The following SCARB2 variants were observed in gnomAD, a reference collection of about 807,000 sequenced individuals.
The protein encoded by SCARB2 is lysosome membrane protein 2.
In SCARB2, 29 loss-of-function variants were observed where a neutral mutation model predicts 58.6. The ratio of observed to expected loss-of-function variants is 0.49; its 90% CI spans 0.37 to 0.67. The LOEUF is 0.67. Ranked by LOEUF, SCARB2 falls within the 30% of genes least tolerant of loss-of-function variation. The pLI is 0.00. For synonymous variants in SCARB2, 195 were observed against 210.1 expected, an observed-to-expected ratio of 0.93 and a Z score of 0.62; for missense variants, 488 against 578.5, an observed-to-expected ratio of 0.84 and a Z score of 1.60.
upstream of SCARB2, chr4:76,217,558 G>C (rs1459419253): frequency 2.0e-6 from 1 of 502,494 alleles, no homozygotes; most frequent in Non-Finnish European, 3.6e-6. Flanking sequence ...ACACAGGTGT[G>C]CTCCCTTTCT....
intron 2 of SCARB2, among the ~76,000 whole-genome samples, chr4:76,181,566 CT>C (rs532415300): frequency 1.3e-5 from 2 of 152,114 alleles, no homozygotes; most frequent in South Asian, 4.2e-4. Flanking sequence ...CAGGAGTTCA[CT>C]CCTGTTTCTT....
chr4:76,195,080 A>C (rs1386807254), intron 2 of SCARB2: 1 of 152,184 alleles, frequency 6.6e-6, no homozygotes. Context: ...TAAGAATATC[A>C]AGCAGTAGCC....
intron 2 of SCARB2, among the ~76,000 whole-genome samples, chr4:76,189,799 A>C (rs1174725494): frequency 2.0e-5 from 3 of 152,138 alleles, no homozygotes; most frequent in African/African-American, 7.2e-5. Context: ...AGTCCCTTAT[A>C]AAACCATCAG....
At chr4:76,221,218 A>G (rs1733301412) in intron 1 of SCARB2, among the ~76,000 whole-genome samples, 1 of 152,192 alleles carries the variant, frequency 6.6e-6, no homozygotes, top group African/African-American at 2.4e-5. Context: ...AGCAGCCTTC[A>G]CCTGCTTCAC....
At chr4:76,202,027 TAACAAGG>T (rs1732837517) in intron 1 of SCARB2, among the ~76,000 whole-genome samples, 1 of 152,182 alleles carries the variant, frequency 6.6e-6, no homozygotes, top group Admixed American at 6.5e-5. Context: ...CTCCTTGATA[TAACAAGG>T]AACAAACTAG....
intron 3 of SCARB2, 47 bp from the exon 4 acceptor site, chr4:76,179,752 C>A: frequency 7.1e-7 from 1 of 1,398,978 alleles, no homozygotes; most frequent in Non-Finnish European, 1.0e-6. Flanking sequence ...CTCCAAAGCA[C>A]CTCCATCCAC....
chr4:76,169,919 T>G lies in SCARB2; in HGVS notation c.1061A>C (p.Glu354Ala). The stretch of plus-strand genomic sequence containing the variant: ...GTCTTCCTGATTTGGGTGCATGCCT[T>G]CTATGGCAGAAACAAACCTCTCATC... ...QADERFVSAI[E>A]GMHPNQEDHE... is the part of the protein sequence containing the mutation. Residue 354 changes from glutamate (E) to alanine (A), a missense_variant, in exon 8 of 12, where the codon GAA becomes GCA. Transcript: ENST00000264896. 1 of 1,614,100 alleles carries G rather than the reference T, an allele frequency of 6.2e-7. No homozygotes were observed. The highest frequency in any genetic ancestry group is 1.1e-5 in the South Asian group (1 of 91,080).
intron 1 of SCARB2, among the ~76,000 whole-genome samples, chr4:76,208,857 T>C (rs1011108008): frequency 6.6e-6 from 1 of 152,166 alleles, no homozygotes; most frequent in Non-Finnish European, 1.5e-5. Flanking sequence ...AGGTGAGGGA[T>C]GGCCATAGAA....
At chr4:76,228,135 A>G (rs1024398017) in intron 1 of SCARB2, among the ~76,000 whole-genome samples, 1 of 150,484 alleles carries the variant, frequency 6.6e-6, no homozygotes, top group Admixed American at 6.6e-5. Context: ...TGCAAGATTT[A>G]TGCTCTAAGG....
At chr4:76,228,876 T>C (rs1455916440) in intron 1 of SCARB2, among the ~76,000 whole-genome samples, 1 of 152,210 alleles carries the variant, frequency 6.6e-6, no homozygotes, top group Non-Finnish European at 1.5e-5. Context: ...TTTGAGCTTC[T>C]TGTATTTGGA....
chr4:76,176,625 C>T, intron 4 of SCARB2, 97 bp from the exon 5 acceptor site: 1 of 799,040 alleles, frequency 1.3e-6, no homozygotes, highest in Non-Finnish European at 2.2e-6. Context: ...AAACACTAGC[C>T]CAGATGGTGT....
At chr4:76,182,789 T>C (rs980934721) in intron 2 of SCARB2, among the ~76,000 whole-genome samples, 6 of 152,274 alleles carry the variant, frequency 3.9e-5, no homozygotes, top group Non-Finnish European at 7.3e-5. Flanking sequence ...TCGGTGATGA[T>C]GGAGTTATGT....
intron 6 of SCARB2, chr4:76,175,205 A>G (rs1392039880): frequency 6.5e-6 from 1 of 153,132 alleles, no homozygotes; most frequent in African/African-American, 2.4e-5. Context: ...AGACAAATAA[A>G]AATTATATTA....
intron 1 of SCARB2, among the ~76,000 whole-genome samples, chr4:76,204,634 G>A (rs901057676): frequency 6.6e-6 from 1 of 152,180 alleles, no homozygotes; most frequent in Non-Finnish European, 1.5e-5. Flanking sequence ...TGAAAATTGG[G>A]AGCGGGAGGG....
chr4:76,184,707 A>G (rs1306920419), intron 2 of SCARB2: 1 of 278,248 alleles, frequency 3.6e-6, no homozygotes, highest in Admixed American at 4.6e-5. Flanking sequence ...GCTTGAGCCC[A>G]GGAGTTTGAC....
intron 1 of SCARB2, among the ~76,000 whole-genome samples, chr4:76,208,711 T>C (rs1206925215): frequency 6.6e-6 from 1 of 152,222 alleles, no homozygotes; most frequent in Non-Finnish European, 1.5e-5. Context: ...TTGATTTCTA[T>C]GAGCTTCCCC....
chr4:76,218,262 T>C (rs981038718), upstream of SCARB2, among the ~76,000 whole-genome samples: 1 of 152,228 alleles, frequency 6.6e-6, no homozygotes, highest in Non-Finnish European at 1.5e-5. Flanking sequence ...ACATATGTTA[T>C]TCCTAAATGT....
chr4:76,215,111 C>T (rs1235187813), upstream of SCARB2, among the ~76,000 whole-genome samples: 2 of 152,370 alleles, frequency 1.3e-5, no homozygotes, highest in African/African-American at 2.4e-5. Flanking sequence ...CCTTAGGAAG[C>T]TGGCCTTTGC....
chr4:76,191,552 C>T (rs560906352), intron 2 of SCARB2, among the ~76,000 whole-genome samples: 26 of 152,232 alleles, frequency 1.7e-4, no homozygotes, highest in African/African-American at 5.8e-4. Flanking sequence ...CCTGCTCCCC[C>T]TCTCTTACTT....
Sources: allele counts gnomAD v4.1 joint callset (sites outside exome capture counted in the v4.1 genomes callset), GRCh38; gene constraint gnomAD v4.1.1; transcripts MANE v1.5; gene names NCBI Gene and HGNC (gene_info 2026-07-23, HGNC 2026-07-21).